The following LONRF3 variants were observed in gnomAD, a reference collection of about 807,000 sequenced individuals.
LONRF3 encodes the protein LON peptidase N-terminal domain and ring finger 3, also known as LON peptidase N-terminal domain and RING finger protein 3.
Under a neutral mutation model 51.7 loss-of-function variants are expected in LONRF3, and 19 were observed. The observed-to-expected ratio is 0.37, with a 90% confidence interval of 0.26 to 0.54. The LOEUF (loss-of-function observed/expected upper bound fraction) is 0.54. Among genes scored for constraint, LONRF3 ranks in the 20% least tolerant of loss-of-function variants. LONRF3 has a pLI of 0.86. For missense variants in LONRF3, 521 were observed against 623.9 expected, an observed-to-expected ratio of 0.84 and a Z score of 1.76; for synonymous variants, 265 against 257.8, an observed-to-expected ratio of 1.03 and a Z score of -0.27.
At chrX:118,991,060 G>A (rs1923391559) in intron 5 of LONRF3, among the ~76,000 whole-genome samples, 1 of 111,174 alleles carries the variant, frequency 9.0e-6, no homozygotes, top group Non-Finnish European at 1.9e-5. Context: ...GTTTCACAAT[G>A]TTACCCAGGC....
chrX:118,989,958 G>T (rs1054065090), intron 4 of LONRF3, among the ~76,000 whole-genome samples: 2 of 112,208 alleles, frequency 1.8e-5, no homozygotes, highest in African/African-American at 6.5e-5. Flanking sequence ...TACCCATGGG[G>T]ATGCCACTTC....
chrX:118,975,711 GGACCCATGGACTGTGGCGGGGTGGGGGA>G, intron 1 of LONRF3, 114 bp downstream of exon 1: 1 of 570,203 alleles, frequency 1.8e-6, no homozygotes. Flanking sequence ...AGGGGGCGGG[GGACCCATGGACTGTGGCGGGGTGGGGGA>G]GGGGTGATTC....
At chrX:119,007,753 A>G (rs1348796113) in intron 6 of LONRF3, among the ~76,000 whole-genome samples, 1 of 111,707 alleles carries the variant, frequency 9.0e-6, no homozygotes, top group Non-Finnish European at 1.9e-5. Context: ...AGGAGGGTCA[A>G]TGTCATACCT....
At chrX:119,007,102 G>A (rs1003398119) in intron 6 of LONRF3, among the ~76,000 whole-genome samples, 7 of 112,543 alleles carry the variant, frequency 6.2e-5, no homozygotes, top group Non-Finnish European at 1.3e-4. Flanking sequence ...AGCTTTTTAT[G>A]CAGTGTAAGT....
intron 5 of LONRF3, among the ~76,000 whole-genome samples, chrX:118,993,120 A>ACCC (rs1411766626): frequency 1.4e-5 from 1 of 71,855 alleles, no homozygotes; most frequent in African/African-American, 7.7e-5. Flanking sequence ...TTATTCTAAC[A>ACCC]CCCCCCCCCA....
intron 3 of LONRF3, among the ~76,000 whole-genome samples, chrX:118,987,445 G>GTTTGTT (rs1923069496): frequency 3.1e-5 from 1 of 32,304 alleles, no homozygotes; most frequent in Admixed American, 5.6e-4. Context: ...GCCTGGCTAA[G>GTTTGTT]TTTTTTTTTT....
chrX:119,013,529 A>G (rs1287356087), intron 9 of LONRF3, among the ~76,000 whole-genome samples: 1 of 111,941 alleles, frequency 8.9e-6, no homozygotes, highest in East Asian at 2.8e-4. Context: ...ATACATATAT[A>G]TTTTATCTAT....
chrX:118,986,928 C>T, intron 3 of LONRF3: 1 of 1,153,718 alleles, frequency 8.7e-7, no homozygotes, highest in East Asian at 3.3e-5. Context: ...GTCACAGCTT[C>T]TCCTTAGTTT....
chrX:118,995,793 G>A (rs1923822599), intron 5 of LONRF3, among the ~76,000 whole-genome samples: 1 of 112,045 alleles, frequency 8.9e-6, no homozygotes, highest in African/African-American at 3.2e-5. Flanking sequence ...AAATCAGGAA[G>A]GATGAGATAC....
intron 5 of LONRF3, among the ~76,000 whole-genome samples, chrX:118,994,001 ACT>A (rs1419966548): frequency 8.9e-6 from 1 of 112,271 alleles, no homozygotes; most frequent in Non-Finnish European, 1.9e-5. Flanking sequence ...GCAAGCTACC[ACT>A]ACAAAAACTG....
chrX:118,996,815 G>A (rs996599687), intron 5 of LONRF3, among the ~76,000 whole-genome samples: 4 of 108,946 alleles, frequency 3.7e-5, no homozygotes, highest in African/African-American at 1.0e-4. Context: ...CCAGCTACTC[G>A]GGAGGCTGAG....
chrX:119,009,382 C>A, intron 7 of LONRF3, 135 bp downstream of exon 7: 1 of 643,067 alleles, frequency 1.6e-6, no homozygotes, highest in Non-Finnish European at 2.3e-6. Flanking sequence ...AGAGTATTTA[C>A]ACCATGGAAA....
intron 1 of LONRF3, 119 bp downstream of exon 1, chrX:118,975,716 C>A: frequency 8.5e-6 from 2 of 235,788 alleles, no homozygotes; most frequent in Non-Finnish European, 1.3e-5. Flanking sequence ...GCGGGGGACC[C>A]ATGGACTGTG....
At position 118,989,976 on chromosome X, in the gene LONRF3, G is replaced by A. The variant is rs139969295; in HGVS notation, c.1324+304G>A. 3.1e-3 allele frequency among the ~76,000 whole-genome samples: 351 copies of A among 112,158 alleles called. 1 individual carries two copies. The highest frequency in any genetic ancestry group is 0.011 in the African/African-American group (329 of 30,880). ...CCATGGGGATGCCACTTCCTTCTAG[G>A]TCAGCCTCTTGCTACCCCCATCCCC... On this transcript the variant is annotated intron_variant, in intron 4 of 10. Coordinates refer to ENST00000371628, the MANE Select transcript of LONRF3 (RefSeq NM_001031855.3).
At chrX:118,992,270 G>C (rs1024697822) in intron 5 of LONRF3, among the ~76,000 whole-genome samples, 2 of 111,233 alleles carry the variant, frequency 1.8e-5, no homozygotes, top group Admixed American at 9.5e-5. Context: ...AAATAGCCTC[G>C]GTCGAGTTCT....
intron 5 of LONRF3, among the ~76,000 whole-genome samples, chrX:119,004,717 G>A (rs1460830235): frequency 1.8e-5 from 2 of 111,812 alleles, no homozygotes; most frequent in African/African-American, 6.5e-5. Context: ...GGATGGGTAT[G>A]TTTCCTATCT....
Position 118,975,218 on chromosome X carries a change from T to C in LONRF3, c.438T>C (p.Ala146=), listed in dbSNP as rs924879795. ...CGGAAGAGACGGGGGCCGCCGCGGC[T>C]GCGGCGGCCACCGAGGTGTGGGACG... ...VAAEETGAAA[A]AAATEVWDGF... Residue 146 remains alanine, a synonymous_variant, in exon 1 of 11, where the codon GCT becomes GCC. Transcript: ENST00000371628. 5.1e-6 allele frequency: 6 copies of C among 1,174,400 alleles called. No individual in the cohort carries two copies. The South Asian group carries it at 1.1e-4, about 22-fold the overall frequency.
intron 5 of LONRF3, among the ~76,000 whole-genome samples, chrX:119,001,213 G>A (rs990361487): frequency 1.4e-4 from 16 of 111,945 alleles, no homozygotes; most frequent in Admixed American, 9.5e-5. Context: ...TTCAGAAGGA[G>A]GGAGAGAGGA....
chrX:119,006,397 TC>T (rs1451063276), intron 6 of LONRF3, among the ~76,000 whole-genome samples, 162 bp downstream of exon 6: 3 of 102,558 alleles, frequency 2.9e-5, no homozygotes, highest in African/African-American at 1.1e-4. Flanking sequence ...TCTCCTGTCT[TC>T]TTTTTTTTTT....
Sources: allele counts gnomAD v4.1 joint callset (sites outside exome capture counted in the v4.1 genomes callset), GRCh38; gene constraint gnomAD v4.1.1; transcripts MANE v1.5; gene names NCBI Gene and HGNC (gene_info 2026-07-23, HGNC 2026-07-21).